CMIP: variants seen among roughly 807,000 people sequenced by gnomAD.
The protein encoded by CMIP is c-Maf inducing protein.
Under a neutral mutation model 97.3 loss-of-function variants are expected in CMIP, and 13 were observed. The ratio of observed to expected loss-of-function variants is 0.13; its 90% confidence interval spans 0.09 to 0.21. The LOEUF (loss-of-function observed/expected upper bound fraction) is 0.21. CMIP is among the 10% of genes least tolerant of loss of function. The pLI, the probability that CMIP is intolerant of heterozygous loss-of-function variation, is 1.00. For synonymous variants in CMIP, 538 were observed against 436.3 expected (o/e 1.23, Z -2.91); for missense variants, 847 against 1,024.9 (o/e 0.83, Z 2.37).
chr16:81,693,632 C>A, intron 13 of CMIP, 145 bp downstream of exon 13: 1 of 864,706 alleles, frequency 1.2e-6, no homozygotes, highest in Non-Finnish European at 1.7e-6. Context: ...AAACACATCC[C>A]CGCCTGGTGC....
chr16:81,468,865 G>A lies in CMIP; in HGVS notation c.300+23324G>A, dbSNP rs568841423. 1.5e-3 allele frequency among the ~76,000 whole-genome samples: 227 copies of A among 152,350 alleles called. 6 individuals are homozygous for A. The South Asian group carries it at 0.044, about 30-fold the overall frequency. The stretch of plus-strand genomic sequence containing the variant: ...GGTGAGGCCTGGCACACGCTCCATA[G>A]GCCTCAGGTGTATTGAGTGGGCTGG... On this transcript the variant is annotated intron_variant, in intron 1 of 20. Coordinates refer to ENST00000537098, the MANE Select transcript of CMIP (RefSeq NM_198390.3).
At position 81,621,265 on chromosome 16, in the gene CMIP, C is replaced by G. The variant is rs999544369; in HGVS notation, c.477+339C>G. The G allele has an allele frequency of 4.7e-6, 1 of 212,318 alleles. No homozygotes were observed. The highest frequency in any genetic ancestry group is 1.0e-4 in the South Asian group (1 of 9,954). 13.2% of individuals were successfully genotyped at this position (212,318 alleles called of 1,614,324 possible). The stretch of plus-strand genomic sequence containing the variant: ...GGCTGGACTTCAGGGGCTCAAGATG[C>G]TTAGTTGAAAGTAACTTCCAAAGGC... On this transcript the variant is annotated intron_variant, in intron 3 of 20. Transcript: ENST00000537098. This position sits in a 1 kb window ranked among gnomAD's most constrained non-coding sequence, Gnocchi z 4.1.
chr16:81,568,039 G>GTGTTTT (rs10629229), intron 1 of CMIP, among the ~76,000 whole-genome samples: 5 of 82,536 alleles, frequency 6.1e-5, no homozygotes, highest in African/African-American at 1.9e-4. Context: ...GTGTGTGTGT[G>GTGTTTT]TTTTTTTTTT....
chr16:81,677,429 A>C (rs1020090097), intron 9 of CMIP, among the ~76,000 whole-genome samples: 3 of 152,068 alleles, frequency 2.0e-5, no homozygotes, highest in African/African-American at 7.2e-5. Flanking sequence ...TGCACTTAGC[A>C]CCTTGCCGGC....
chr16:81,554,537 G>T (rs7205651), intron 1 of CMIP, among the ~76,000 whole-genome samples: 53,528 of 152,158 alleles, frequency 0.35, 11,263 homozygotes, highest in Non-Finnish European at 0.46. Context: ...CCAGGTGCTT[G>T]AGAAGTTTGC....
At chr16:81,594,931 A>G (rs2091528733) in intron 1 of CMIP, among the ~76,000 whole-genome samples, 2 of 151,900 alleles carry the variant, frequency 1.3e-5, no homozygotes, top group Admixed American at 1.3e-4. Flanking sequence ...GCGCCCGGCC[A>G]TACCTATGAT....
intron 3 of CMIP, among the ~76,000 whole-genome samples, chr16:81,626,218 C>CGTGAGAATGT (rs2092059399): frequency 6.6e-6 from 1 of 151,224 alleles, no homozygotes; most frequent in East Asian, 1.9e-4. Flanking sequence ...TGTGTGTGCG[C>CGTGAGAATGT]GTGAGAATGT....
At chr16:81,598,282 C>T (rs1461674672) in intron 1 of CMIP, among the ~76,000 whole-genome samples, 11 of 152,086 alleles carry the variant, frequency 7.2e-5, no homozygotes, top group African/African-American at 2.4e-5. Context: ...AGGGTATCGC[C>T]TACAACAGAG....
chr16:81,578,248 T>C (rs2091235890), intron 1 of CMIP, among the ~76,000 whole-genome samples: 1 of 152,194 alleles, frequency 6.6e-6, no homozygotes, highest in African/African-American at 2.4e-5. Flanking sequence ...ACCACCATCA[T>C]CTTCGTCACC....
At chr16:81,555,134 G>A (rs1459351533) in intron 1 of CMIP, among the ~76,000 whole-genome samples, 8 of 152,216 alleles carry the variant, frequency 5.3e-5, no homozygotes, top group Non-Finnish European at 1.2e-4. Context: ...CCAACAAAGA[G>A]CAGGAGGGCA....
chr16:81,512,826 T>C (rs554599702), intron 1 of CMIP, among the ~76,000 whole-genome samples: 2 of 152,214 alleles, frequency 1.3e-5, no homozygotes, highest in Admixed American at 6.5e-5. Flanking sequence ...AACCTCTGCT[T>C]CCTGGGTTCA....
chr16:81,699,903 G>A (rs1272668808), intron 15 of CMIP, 102 bp downstream of exon 15: 1 of 759,190 alleles, frequency 1.3e-6, no homozygotes, highest in East Asian at 2.8e-5. Flanking sequence ...GCAGGCACGG[G>A]GGGCAGTGGG....
intron 1 of CMIP, among the ~76,000 whole-genome samples, chr16:81,470,302 C>T (rs191084445): frequency 3.2e-4 from 47 of 145,550 alleles, no homozygotes; most frequent in Middle Eastern, 3.5e-3. Context: ...CCAGGCGCCC[C>T]GTCCAGGCAG....
At chr16:81,501,043 G>A (rs2089600757) in intron 1 of CMIP, among the ~76,000 whole-genome samples, 1 of 152,200 alleles carries the variant, frequency 6.6e-6, no homozygotes, top group Admixed American at 6.5e-5. Flanking sequence ...AATAAGCAAA[G>A]GCAAACCACT....
chr16:81,547,699 C>T (rs1346664197), intron 1 of CMIP, among the ~76,000 whole-genome samples: 1 of 152,054 alleles, frequency 6.6e-6, no homozygotes, highest in Non-Finnish European at 1.5e-5. Context: ...TCAGTGTACC[C>T]AAGAAAACAC....
intron 1 of CMIP, among the ~76,000 whole-genome samples, chr16:81,448,412 C>A (rs1046754607): frequency 1.3e-5 from 2 of 152,256 alleles, no homozygotes; most frequent in African/African-American, 4.8e-5. Context: ...ACATCTGCAT[C>A]AGGCTGGGAT....
intron 1 of CMIP, among the ~76,000 whole-genome samples, chr16:81,534,405 T>G (rs2090301199): frequency 6.6e-6 from 1 of 152,242 alleles, no homozygotes; most frequent in African/African-American, 2.4e-5. Flanking sequence ...TTGTAAGGGT[T>G]TCTTTTGAAA....
At chr16:81,596,783 C>T (rs1363703096) in intron 1 of CMIP, among the ~76,000 whole-genome samples, 2 of 152,098 alleles carry the variant, frequency 1.3e-5, no homozygotes, top group Non-Finnish European at 2.9e-5. Flanking sequence ...CCCAAGAAAC[C>T]CTTTAGTCCT....
At chr16:81,550,597 A>G (rs1354050696) in intron 1 of CMIP, among the ~76,000 whole-genome samples, 5 of 152,150 alleles carry the variant, frequency 3.3e-5, no homozygotes, top group Non-Finnish European at 7.4e-5. Context: ...CTGGGGTCAC[A>G]TGGCTGCTAT....
Sources: allele counts gnomAD v4.1 joint callset (sites outside exome capture counted in the v4.1 genomes callset), GRCh38; gene constraint gnomAD v4.1.1; non-coding constraint Gnocchi (gnomAD v3.1); transcripts MANE v1.5; gene names NCBI Gene and HGNC (gene_info 2026-07-23, HGNC 2026-07-21).